RAB39A: variants seen among roughly 807,000 people sequenced by gnomAD.
The protein encoded by RAB39A is ras-related protein Rab-39A.
In RAB39A, 17 loss-of-function variants were observed where a neutral mutation model predicts 20.9. That is an observed-to-expected ratio of 0.81 (90% CI 0.56 to 1.22). The LOEUF is 1.22. Ranked by LOEUF, RAB39A falls within the 50% of genes most tolerant of loss-of-function variation. The pLI, the probability that RAB39A is intolerant of heterozygous loss-of-function variation, is 0.00. For synonymous variants in RAB39A, 99 were observed against 103.4 expected (o/e 0.96, Z 0.26); for missense variants, 234 against 270.5 (o/e 0.87, Z 0.95).
intron 1 of RAB39A, among the ~76,000 whole-genome samples, chr11:107,945,994 T>C (rs1023410061): frequency 6.6e-6 from 1 of 152,040 alleles, no homozygotes; most frequent in African/African-American, 2.4e-5. Context: ...GGTAAAATTG[T>C]TTCTGGGGAT....
intron 1 of RAB39A, among the ~76,000 whole-genome samples, chr11:107,938,377 A>AAG (rs1861220991): frequency 6.7e-6 from 1 of 150,036 alleles, no homozygotes. Context: ...AAAAAAAAAA[A>AAG]AAAGAATGAG....
chr11:107,962,558 T>G lies in RAB39A; in HGVS notation c.*186T>G. ...TGTTACACTACTAGATTGGGTATTT[T>G]GCTAAATTACCAAGCAAAGCAGACA... On this transcript the variant is annotated 3_prime_UTR_variant, in exon 2 of 2. Coordinates refer to ENST00000320578, the MANE Select transcript of RAB39A (RefSeq NM_017516.3). The G allele has an allele frequency of 1.9e-6, 1 of 522,378 alleles. No individual in the cohort carries two copies. Among genetic ancestry groups the G allele is most frequent in the South Asian group, 5.7e-5 (1 of 17,648 alleles). The allele number at this position is 522,378 out of a possible 1,614,324, so 32.4% of individuals were successfully genotyped here.
intron 1 of RAB39A, among the ~76,000 whole-genome samples, chr11:107,951,273 A>C (rs1403969831): frequency 6.6e-6 from 1 of 152,246 alleles, no homozygotes; most frequent in Non-Finnish European, 1.5e-5. Flanking sequence ...GCCACAAGGC[A>C]AGTGAAGCAA....
Position 107,932,070 on chromosome 11 carries a change from C to A in RAB39A, c.227+3275C>A, listed in dbSNP as rs73551498. Among the ~76,000 whole-genome samples the A allele has an allele frequency of 6.5e-3, 992 of 151,892 alleles. 11 individuals are homozygous for A. The highest frequency in any genetic ancestry group is 0.023 in the African/African-American group (942 of 41,444). ...TAAAGACAGGGTTTGGCCATGTTGCCCAGGTTGGTCTGAAACTCCTGGGCT... is the reference window on the plus strand; with the variant it reads ...TAAAGACAGGGTTTGGCCATGTTGCACAGGTTGGTCTGAAACTCCTGGGCT... On this transcript the variant is annotated intron_variant, in intron 1 of 1. Coordinates refer to ENST00000320578, the MANE Select transcript of RAB39A (RefSeq NM_017516.3).
intron 1 of RAB39A, among the ~76,000 whole-genome samples, chr11:107,956,966 A>G (rs1861443413): frequency 6.6e-6 from 1 of 152,250 alleles, no homozygotes; most frequent in Non-Finnish European, 1.5e-5. Context: ...ACAAATCTTG[A>G]TGAAATTAAA....
chr11:107,955,330 G>C (rs1861423036), intron 1 of RAB39A, among the ~76,000 whole-genome samples: 1 of 152,032 alleles, frequency 6.6e-6, no homozygotes, highest in Non-Finnish European at 1.5e-5. Flanking sequence ...TGCCACTTCT[G>C]TAATTGTCCA....
At chr11:107,954,806 G>A (rs1861416633) in intron 1 of RAB39A, among the ~76,000 whole-genome samples, 1 of 152,138 alleles carries the variant, frequency 6.6e-6, no homozygotes, top group African/African-American at 2.4e-5. Context: ...TCCTATATAT[G>A]TGACCTCTCC....
At chr11:107,956,196 C>A (rs1438290141) in intron 1 of RAB39A, among the ~76,000 whole-genome samples, 1 of 152,184 alleles carries the variant, frequency 6.6e-6, no homozygotes, top group Non-Finnish European at 1.5e-5. Flanking sequence ...GTATCTCTTT[C>A]CCTCAAACTT....
chr11:107,934,487 T>C (rs1261440871), intron 1 of RAB39A, among the ~76,000 whole-genome samples: 1 of 152,122 alleles, frequency 6.6e-6, no homozygotes, highest in African/African-American at 2.4e-5. Context: ...GAGTATAATT[T>C]GGGAATAGCT....
At chr11:107,937,533 A>G (rs1171739852) in intron 1 of RAB39A, among the ~76,000 whole-genome samples, 2 of 148,818 alleles carry the variant, frequency 1.3e-5, no homozygotes, top group East Asian at 2.0e-4. Flanking sequence ...GTATGGAATT[A>G]TTACTATTTT....
intron 1 of RAB39A, among the ~76,000 whole-genome samples, chr11:107,934,915 G>A (rs1175956236): frequency 7.4e-6 from 1 of 135,078 alleles, no homozygotes; most frequent in Non-Finnish European, 1.6e-5. Context: ...GGGGACAAGA[G>A]CGAGACTTCG....
intron 1 of RAB39A, among the ~76,000 whole-genome samples, chr11:107,958,772 G>A (rs553232829): frequency 6.6e-6 from 1 of 152,202 alleles, no homozygotes; most frequent in South Asian, 2.1e-4. Flanking sequence ...AATACAATCA[G>A]TTAATAGGGT....
At chr11:107,935,187 A>T (rs1041283755) in intron 1 of RAB39A, among the ~76,000 whole-genome samples, 1 of 152,142 alleles carries the variant, frequency 6.6e-6, no homozygotes, top group Non-Finnish European at 1.5e-5. Context: ...GCAAGTCTGC[A>T]GTGTAAAATG....
chr11:107,951,963 T>A (rs1591247662), intron 1 of RAB39A, among the ~76,000 whole-genome samples: 1 of 152,202 alleles, frequency 6.6e-6, no homozygotes, highest in African/African-American at 2.4e-5. Context: ...AATTCCCCAA[T>A]AGATCATTCA....
intron 1 of RAB39A, among the ~76,000 whole-genome samples, chr11:107,957,980 C>T (rs866487206): frequency 6.6e-6 from 1 of 152,012 alleles, no homozygotes; most frequent in East Asian, 1.9e-4. Flanking sequence ...CAACTTCTGC[C>T]TCCTGGGTTC....
At chr11:107,939,111 G>A (rs562239501) in intron 1 of RAB39A, among the ~76,000 whole-genome samples, 46 of 151,960 alleles carry the variant, frequency 3.0e-4, no homozygotes, top group African/African-American at 1.1e-3. Context: ...AGGCGTGGTG[G>A]CATCCACCTG....
At chr11:107,947,684 C>T (rs1241158619) in intron 1 of RAB39A, among the ~76,000 whole-genome samples, 1 of 150,390 alleles carries the variant, frequency 6.6e-6, no homozygotes, top group African/African-American at 2.4e-5. Flanking sequence ...AAAAACAGGA[C>T]ACATTATAAA....
intron 1 of RAB39A, among the ~76,000 whole-genome samples, chr11:107,955,796 C>T (rs1010318169): frequency 6.6e-6 from 1 of 152,106 alleles, no homozygotes; most frequent in South Asian, 2.1e-4. Context: ...CGAGATCACA[C>T]CATTGCACTC....
At chr11:107,953,075 A>T (rs1861397744) in intron 1 of RAB39A, among the ~76,000 whole-genome samples, 1 of 152,122 alleles carries the variant, frequency 6.6e-6, no homozygotes, top group Admixed American at 6.5e-5. Flanking sequence ...TAAGATGAGA[A>T]ATTTCTAAAG....
Sources: allele counts gnomAD v4.1 joint callset (sites outside exome capture counted in the v4.1 genomes callset), GRCh38; gene constraint gnomAD v4.1.1; transcripts MANE v1.5; gene names NCBI Gene and HGNC (gene_info 2026-07-23, HGNC 2026-07-21).